The following VOPP1 variants were observed in gnomAD, a reference collection of about 807,000 sequenced individuals.
The protein encoded by VOPP1 is VOPP1 WW domain binding protein.
Under a neutral mutation model 23.5 loss-of-function variants are expected in VOPP1, and 8 were observed. The ratio of observed to expected loss-of-function variants is 0.34; its 90% CI spans 0.20 to 0.61. The LOEUF (loss-of-function observed/expected upper bound fraction) is 0.61, where lower values mean the gene tolerates loss of function less well. Ranked by LOEUF, VOPP1 falls within the 20% of genes least tolerant of loss-of-function variation. The probability of loss-of-function intolerance (pLI) is 0.78; values close to 1 mark genes in which losing one functional copy is unlikely to be tolerated. For synonymous variants in VOPP1, 83 were observed against 97.3 expected (o/e 0.85, Z 0.86); for missense variants, 174 against 238.1 (o/e 0.73, Z 1.77).
intron 1 of VOPP1, among the ~76,000 whole-genome samples, chr7:55,539,110 G>A (rs950895976): frequency 1.1e-4 from 16 of 151,994 alleles, no homozygotes; most frequent in African/African-American, 3.1e-4. Flanking sequence ...TTGGGAGGCC[G>A]AGGCAAGCGG....
intron 4 of VOPP1, among the ~76,000 whole-genome samples, chr7:55,473,372 C>T (rs942669008): frequency 1.3e-5 from 2 of 152,208 alleles, no homozygotes; most frequent in Non-Finnish European, 2.9e-5. Context: ...CCAGGCTTCG[C>T]GACTCAGCCT....
At chr7:55,485,530 TG>T (rs1359477100) in intron 4 of VOPP1, among the ~76,000 whole-genome samples, 1 of 152,244 alleles carries the variant, frequency 6.6e-6, no homozygotes, top group Non-Finnish European at 1.5e-5. Context: ...CCTTTCACTT[TG>T]GGTGGTGCAG....
At chr7:55,561,510 A>G (rs1021893313) in intron 1 of VOPP1, among the ~76,000 whole-genome samples, 5 of 152,054 alleles carry the variant, frequency 3.3e-5, no homozygotes, top group African/African-American at 9.7e-5. Flanking sequence ...GGAGTTCAAG[A>G]CCAGCCTAGC....
At chr7:55,469,084 AT>A (rs936600580), downstream of VOPP1, among the ~76,000 whole-genome samples, 1 of 151,950 alleles carries the variant, frequency 6.6e-6, no homozygotes. Context: ...GTTCACGGTA[AT>A]TTTTTTTCAG....
At chr7:55,506,590 G>T (rs143107603) in intron 2 of VOPP1, among the ~76,000 whole-genome samples, 1,664 of 152,094 alleles carry the variant, frequency 0.011, 11 homozygotes, top group Middle Eastern at 0.02. Flanking sequence ...GCCTGTCTTG[G>T]CCTCCTAAAG....
At position 55,520,971 on chromosome 7, in the gene VOPP1, A is replaced by G. The variant is rs1215590556; in HGVS notation, c.113+101T>C. ...CTGGCACCGCAGCAGAGGCTGGGCCACGCCGGGCTTTCCCCATCCCACACC... is the reference window on the plus strand; with the variant it reads ...CTGGCACCGCAGCAGAGGCTGGGCCGCGCCGGGCTTTCCCCATCCCACACC... On this transcript the variant is annotated intron_variant, in intron 2 of 4. Coordinates refer to ENST00000285279, the MANE Select transcript of VOPP1 (RefSeq NM_030796.5). 6.2e-6 allele frequency: 8 copies of G among 1,291,956 alleles called. No homozygotes were observed. In the African/African-American group the frequency reaches 1.0e-4, roughly 17 times the overall value. The allele number at this position is 1,291,956 out of a possible 1,614,324, so 80.0% of individuals were successfully genotyped here. A position where few individuals can be genotyped will look rare whatever the true frequency, so the allele number is the denominator to read the frequency against.
At chr7:55,475,780 A>AG (rs1311486228) in intron 4 of VOPP1, among the ~76,000 whole-genome samples, 1 of 152,244 alleles carries the variant, frequency 6.6e-6, no homozygotes, top group Admixed American at 6.5e-5. Context: ...AGAAAGGGTA[A>AG]GGAGAGGTGA....
At chr7:55,564,243 G>GTCTCTCTCTCTC (rs71561947) in intron 1 of VOPP1, among the ~76,000 whole-genome samples, 6,776 of 125,874 alleles carry the variant, frequency 0.054, 282 homozygotes, top group Non-Finnish European at 0.061. Context: ...CTCTGTCTCT[G>GTCTCTCTCTCTC]TCTCTCTCTC....
intron 1 of VOPP1, chr7:55,552,864 A>G: frequency 1.4e-6 from 2 of 1,394,312 alleles, no homozygotes; most frequent in African/African-American, 1.5e-5. Context: ...GCAACACAAC[A>G]GGATTTCCTC....
intron 2 of VOPP1, among the ~76,000 whole-genome samples, chr7:55,512,680 G>A (rs184995349): frequency 2.0e-5 from 3 of 152,230 alleles, no homozygotes; most frequent in Non-Finnish European, 4.4e-5. Context: ...TGCAGCAGGC[G>A]TATGGAGCAC....
At chr7:55,561,746 TC>T in intron 1 of VOPP1, 1 of 419,378 alleles carries the variant, frequency 2.4e-6, no homozygotes, top group Non-Finnish European at 4.2e-6. Flanking sequence ...GCTCCCCTCT[TC>T]CAAAAAAAAA....
intron 1 of VOPP1, chr7:55,538,775 T>C (rs1412035707): frequency 1.8e-5 from 15 of 845,664 alleles, no homozygotes; most frequent in Non-Finnish European, 2.5e-5. Context: ...TGCTGTGGGT[T>C]TGAGCTGCTG....
chr7:55,560,482 G>A (rs1444816934), intron 1 of VOPP1, among the ~76,000 whole-genome samples: 1 of 152,184 alleles, frequency 6.6e-6, no homozygotes, highest in African/African-American at 2.4e-5. Context: ...CTTTGAAGGG[G>A]AGGAAGGGAC....
intron 1 of VOPP1, among the ~76,000 whole-genome samples, chr7:55,524,382 G>C (rs775956364): frequency 3.9e-5 from 6 of 152,218 alleles, no homozygotes; most frequent in Admixed American, 1.3e-4. Context: ...TTGCATTAAA[G>C]TGTAGCTCCA....
At chr7:55,467,703 C>T (rs1291159426), downstream of VOPP1, among the ~76,000 whole-genome samples, 1 of 152,220 alleles carries the variant, frequency 6.6e-6, no homozygotes, top group Non-Finnish European at 1.5e-5. Flanking sequence ...ACGTCTGCTT[C>T]CATTTTACTG....
intron 1 of VOPP1, among the ~76,000 whole-genome samples, chr7:55,542,493 T>C (rs976698852): frequency 6.6e-6 from 1 of 152,158 alleles, no homozygotes; most frequent in Non-Finnish European, 1.5e-5. Context: ...CTTCCACATA[T>C]GATTAAGAAC....
At chr7:55,520,350 C>T (rs1280867641) in intron 2 of VOPP1, among the ~76,000 whole-genome samples, 2 of 152,098 alleles carry the variant, frequency 1.3e-5, no homozygotes, top group Non-Finnish European at 2.9e-5. Context: ...TTAGGGCATT[C>T]GACTCAATAC....
intron 4 of VOPP1, among the ~76,000 whole-genome samples, chr7:55,479,384 A>G (rs959874806): frequency 5.3e-5 from 8 of 151,590 alleles, no homozygotes; most frequent in Non-Finnish European, 8.8e-5. Flanking sequence ...ATTTTCACAA[A>G]CAACAGAGGT....
intron 1 of VOPP1, among the ~76,000 whole-genome samples, chr7:55,551,812 C>T (rs1320672646): frequency 2.0e-5 from 3 of 151,930 alleles, no homozygotes; most frequent in Non-Finnish European, 2.9e-5. Context: ...GGCCCAGGAG[C>T]GTGGATCACT....
Sources: gnomAD v4.1 joint callset for allele counts (sites outside exome capture counted in the v4.1 genomes callset) on GRCh38, gnomAD v4.1.1 for gene constraint, MANE v1.5 for transcripts, NCBI Gene and HGNC (gene_info 2026-07-23, HGNC 2026-07-21) for gene names.